Variants in ADAMTS17 observed in about 807,000 individuals in gnomAD.
ADAMTS17 encodes the protein A disintegrin and metalloproteinase with thrombospondin motifs 17.
ADAMTS17 carries 113 observed loss-of-function variants against 141.5 expected under a neutral mutation model. The ratio of observed to expected loss-of-function variants is 0.80; its 90% CI spans 0.69 to 0.93. The LOEUF (loss-of-function observed/expected upper bound fraction) is 0.93, where lower values mean the gene tolerates loss of function less well. ADAMTS17 is among the 40% of genes least tolerant of loss of function. The pLI, the probability that ADAMTS17 is intolerant of heterozygous loss-of-function variation, is 0.00. For synonymous variants in ADAMTS17, 768 were observed against 630.6 expected, an observed-to-expected ratio of 1.22 and a Z score of -3.27; for missense variants, 1,659 against 1,517.9, an observed-to-expected ratio of 1.09 and a Z score of -1.54.
intron 3 of ADAMTS17, among the ~76,000 whole-genome samples, chr15:100,292,951 G>A (rs940932992): frequency 1.3e-5 from 2 of 152,232 alleles, no homozygotes; most frequent in African/African-American, 4.8e-5. Flanking sequence ...AGACCCCACA[G>A]AGGGACCATC....
intron 7 of ADAMTS17, among the ~76,000 whole-genome samples, chr15:100,221,615 G>A (rs56096621): frequency 0.16 from 24,201 of 151,978 alleles, 2,121 homozygotes; most frequent in Non-Finnish European, 0.2. Context: ...TCAGCCATAC[G>A]CCAAGTCAGT....
At chr15:100,301,508 T>G (rs1162679237) in intron 3 of ADAMTS17, among the ~76,000 whole-genome samples, 2 of 150,510 alleles carry the variant, frequency 1.3e-5, no homozygotes, top group African/African-American at 4.9e-5. Context: ...TTTTTTTTTT[T>G]TTGTATATTT....
chr15:100,121,258 G>GA (rs928845110), intron 12 of ADAMTS17, among the ~76,000 whole-genome samples: 3 of 152,178 alleles, frequency 2.0e-5, no homozygotes, highest in Middle Eastern at 3.4e-3. Context: ...AGTCTCAGGA[G>GA]AAAAAAGAGA....
chr15:100,108,092 G>A (rs1194713833), intron 14 of ADAMTS17, among the ~76,000 whole-genome samples: 1 of 152,170 alleles, frequency 6.6e-6, no homozygotes, highest in Non-Finnish European at 1.5e-5. Flanking sequence ...CACCTGGGGA[G>A]GGTAAGGGCT....
chr15:100,277,982 A>G (rs1017856822), intron 4 of ADAMTS17, among the ~76,000 whole-genome samples: 4 of 152,266 alleles, frequency 2.6e-5, no homozygotes, highest in Non-Finnish European at 4.4e-5. Flanking sequence ...ATCCTGACAC[A>G]TGTCACAACA....
rs113048764 is a variant in ADAMTS17, at chr15:100,090,212, A to C, written c.2137+6144T>G. On this transcript the variant is annotated intron_variant, in intron 15 of 21. Coordinates refer to ENST00000268070, the MANE Select transcript of ADAMTS17 (RefSeq NM_139057.4). ...CAGGCATATGGAATCCAAGGCAGTAAAATGTCAAAAACTGAGATAAAAGTT... is the reference window on the plus strand; with the variant it reads ...CAGGCATATGGAATCCAAGGCAGTACAATGTCAAAAACTGAGATAAAAGTT... Among the ~76,000 whole-genome samples, 262 of 152,298 alleles carry C rather than the reference A, an allele frequency of 1.7e-3. 2 individuals are homozygous for C. The highest frequency in any genetic ancestry group is 6.1e-3 in the African/African-American group (253 of 41,574).
chr15:100,002,423 C>T (rs551896809), intron 18 of ADAMTS17, among the ~76,000 whole-genome samples: 3 of 152,122 alleles, frequency 2.0e-5, no homozygotes, highest in South Asian at 2.1e-4. Flanking sequence ...ATTCCCAGCA[C>T]GTGACCACGG....
In ADAMTS17 at chr15:100,331,061, A is replaced by G; in HGVS notation, c.451-7T>C. On this transcript the variant is annotated splice_polypyrimidine_tract_variant and splice_region_variant and intron_variant, in intron 2 of 21. Coordinates refer to ENST00000268070, the MANE Select transcript of ADAMTS17 (RefSeq NM_139057.4). ...CAAGCTGAATGAGGCCAACCTGTCC[A>G]GAAAGGAGAAGGAAACGCGATGTCG... The G allele has an allele frequency of 6.2e-7, 1 of 1,614,180 alleles. No individual in the cohort carries two copies. The highest frequency in any genetic ancestry group is 8.5e-7 in the Non-Finnish European group (1 of 1,180,028).
chr15:100,207,817 G>T (rs1390550570), intron 7 of ADAMTS17, among the ~76,000 whole-genome samples: 1 of 152,128 alleles, frequency 6.6e-6, no homozygotes, highest in East Asian at 1.9e-4. Flanking sequence ...AGGGAGGGAG[G>T]TGAGAGAATC....
chr15:100,075,262 T>C (rs1013257871), intron 15 of ADAMTS17, among the ~76,000 whole-genome samples: 4 of 152,226 alleles, frequency 2.6e-5, no homozygotes, highest in African/African-American at 4.8e-5. Flanking sequence ...ATAGTTGTTT[T>C]AGTTTTCATC....
intron 8 of ADAMTS17, among the ~76,000 whole-genome samples, chr15:100,160,055 G>GC (rs201630924): frequency 2.2e-5 from 2 of 88,920 alleles, no homozygotes; most frequent in Non-Finnish European, 6.5e-5. Flanking sequence ...TCCTGGAATG[G>GC]CCCCCCAGTA....
chr15:99,976,334 A>C, intron 20 of ADAMTS17, 112 bp from the exon 21 acceptor site: 1 of 1,356,062 alleles, frequency 7.4e-7, no homozygotes, highest in Non-Finnish European at 1.0e-6. Flanking sequence ...GGCCTACACG[A>C]GGTCAGGGGG....
At chr15:100,165,894 G>GT (rs888502731) in intron 8 of ADAMTS17, among the ~76,000 whole-genome samples, 32 of 150,494 alleles carry the variant, frequency 2.1e-4, no homozygotes, top group South Asian at 4.2e-4. Context: ...TCTCTTTTTT[G>GT]TTTTTTTTTC....
intron 7 of ADAMTS17, among the ~76,000 whole-genome samples, chr15:100,221,757 G>C (rs900826447): frequency 7.2e-5 from 11 of 152,202 alleles, no homozygotes; most frequent in African/African-American, 2.7e-4. Flanking sequence ...CGGGTGGTCT[G>C]AGAGCTGGTG....
At chr15:100,168,037 G>A (rs1410772628) in intron 8 of ADAMTS17, among the ~76,000 whole-genome samples, 1 of 152,214 alleles carries the variant, frequency 6.6e-6, no homozygotes, top group African/African-American at 2.4e-5. Flanking sequence ...AAACACCGCA[G>A]GACGAACAAG....
In ADAMTS17 at chr15:100,097,177, A is replaced by G. The variant is rs1409566720; in HGVS notation, c.2017-701T>C. On this transcript the variant is annotated intron_variant, in intron 14 of 21. Transcript: ENST00000268070. The stretch of plus-strand genomic sequence containing the variant: ...TTTGGACTCTTTTTTTCTTTTTTAA[A>G]AAAGTGAGAATTTTGTATCCTGCAA... Among the ~76,000 whole-genome samples, 4 of 152,254 alleles carry G rather than the reference A, an allele frequency of 2.6e-5. No individual in the cohort carries two copies. In the East Asian group the frequency reaches 7.7e-4, roughly 29 times the overall value.
chr15:100,152,602 G>T lies in ADAMTS17; in HGVS notation c.1473+10C>A. On this transcript the variant is annotated intron_variant, in intron 10 of 21. Coordinates refer to ENST00000268070, the MANE Select transcript of ADAMTS17 (RefSeq NM_139057.4). ...CTCTGTCCCGAGCCAGCCCTCCCAC[G>T]GCTGCTTACCTCCATGTTTCTGCAG... 1 of 1,613,248 alleles carries T rather than the reference G, an allele frequency of 6.2e-7. No individual in the cohort carries two copies. The highest frequency in any genetic ancestry group is 8.5e-7 in the Non-Finnish European group (1 of 1,179,966).
chr15:100,192,090 GAAC>G (rs927567160), intron 8 of ADAMTS17, among the ~76,000 whole-genome samples: 2 of 152,224 alleles, frequency 1.3e-5, no homozygotes, highest in Admixed American at 1.3e-4. Flanking sequence ...TGCACGTTTT[GAAC>G]AACTCTGGAA....
intron 10 of ADAMTS17, among the ~76,000 whole-genome samples, chr15:100,151,223 G>A (rs1488092768): frequency 6.6e-6 from 1 of 152,196 alleles, no homozygotes; most frequent in Non-Finnish European, 1.5e-5. Flanking sequence ...CTCCCCAGGG[G>A]AATGGCAGGG....
Sources: gnomAD v4.1 joint callset for allele counts (sites outside exome capture counted in the v4.1 genomes callset) on GRCh38, gnomAD v4.1.1 for gene constraint, MANE v1.5 for transcripts, NCBI Gene and HGNC (gene_info 2026-07-23, HGNC 2026-07-21) for gene names.